Variants in PTRHD1 observed in about 807,000 individuals in gnomAD.
PTRHD1 encodes putative peptidyl-tRNA hydrolase PTRHD1.
PTRHD1 carries 12 observed loss-of-function variants against 13.6 expected under a neutral mutation model. The observed-to-expected ratio is 0.88, with a 90% CI of 0.57 to 1.43. The LOEUF (loss-of-function observed/expected upper bound fraction) is 1.43, where lower values mean the gene tolerates loss of function less well. Ranked by LOEUF, PTRHD1 falls within the 40% of genes most tolerant of loss-of-function variation. The probability of loss-of-function intolerance (pLI) is 0.00; values close to 1 mark genes in which losing one functional copy is unlikely to be tolerated. For synonymous variants in PTRHD1, 86 were observed against 79.5 expected, an observed-to-expected ratio of 1.08 and a Z score of -0.43; for missense variants, 203 against 184.7, an observed-to-expected ratio of 1.10 and a Z score of -0.57.
Position 24,793,041 on chromosome 2 carries a change from C to A in PTRHD1, c.252+85G>T, listed in dbSNP as rs1347496117. ...ACCCCAACTCCCGCCGCACCCACTC[C>A]CCGCAGCCAGGCCTTCGGACCGAAG... On this transcript the variant is annotated intron_variant, in intron 1 of 1. Coordinates refer to ENST00000328379, the MANE Select transcript of PTRHD1 (RefSeq NM_001013663.2). The A allele has an allele frequency of 2.7e-6, 4 of 1,472,512 alleles. No homozygotes were observed. In the Admixed American group the frequency reaches 8.2e-5, roughly 30 times the overall value. 91.2% of individuals were successfully genotyped at this position (1,472,512 alleles called of 1,614,324 possible).
intron 1 of PTRHD1, 134 bp from the exon 2 acceptor site, chr2:24,790,715 G>T: frequency 1.4e-6 from 1 of 738,082 alleles, no homozygotes; most frequent in Middle Eastern, 3.9e-4. Context: ...GCAGAGCAAT[G>T]ATGTCATTCC....
intron 1 of PTRHD1, 151 bp downstream of exon 1, chr2:24,792,975 G>C: frequency 1.1e-6 from 1 of 917,128 alleles, no homozygotes; most frequent in Non-Finnish European, 1.6e-6. Flanking sequence ...TCCCAAGGGC[G>C]CACCTCCAGG....
rs1665593406 is a variant in PTRHD1 at position 24,790,324 on chromosome 2, T to G, written c.*87A>C. ...TTAACCCTCAAGAAATTGTCACAAC[T>G]GAAAGACGGGAGCAAGCTGACACTG... is the stretch of plus-strand genomic sequence containing the variant. On this transcript the variant is annotated 3_prime_UTR_variant, in exon 2 of 2. Transcript: ENST00000328379. The G allele has an allele frequency of 6.8e-6, 10 of 1,469,148 alleles. No individual in the cohort carries two copies. Among genetic ancestry groups the G allele is most frequent in the Non-Finnish European group, 8.3e-6 (9 of 1,085,420 alleles). 91.0% of individuals were successfully genotyped at this position (1,469,148 alleles called of 1,614,324 possible). A position where few individuals can be genotyped will look rare whatever the true frequency, so the allele number is the denominator to read the frequency against.
At chr2:24,793,040 C>A (rs1572714345) in intron 1 of PTRHD1, 86 bp downstream of exon 1, 1 of 1,466,944 alleles carries the variant, frequency 6.8e-7, no homozygotes, top group East Asian at 2.4e-5. Flanking sequence ...CGCACCCACT[C>A]CCCGCAGCCA....
chr2:24,792,944 CTCTTCA>C, intron 1 of PTRHD1, 176 bp downstream of exon 1: 1 of 714,130 alleles, frequency 1.4e-6, no homozygotes, highest in Admixed American at 2.9e-5. Flanking sequence ...CTGCTGTCCA[CTCTTCA>C]CACAGTCAGG....
intron 1 of PTRHD1, among the ~76,000 whole-genome samples, chr2:24,791,257 T>A (rs559397615): frequency 6.6e-6 from 1 of 152,144 alleles, no homozygotes; most frequent in East Asian, 1.9e-4. Flanking sequence ...GCACATCCAC[T>A]TCCACTTTCC....
rs1252746902 is a variant in PTRHD1 at position 24,790,557 on chromosome 2, C to T, written c.277G>A (p.Glu93Lys). The change falls in exon 2 of 2, where the codon GAG (glutamate) becomes AAG (lysine). Residue 93 changes from glutamate (E) to lysine (K), a missense_variant. Physicochemically the swap from Glu to Lys is moderately conservative, Grantham distance 56 (BLOSUM62 1). Coordinates refer to ENST00000328379, the MANE Select transcript of PTRHD1 (RefSeq NM_001013663.2). ...TTCTGTTGCAGGGTCTCGGCCAGCTCCTTTAGGGTGGTCTCATCTGGGGCC... is the reference window on the plus strand; with the variant it reads ...TTCTGTTGCAGGGTCTCGGCCAGCTTCTTTAGGGTGGTCTCATCTGGGGCC... Reference protein sequence around the residue: ...LEAPDETTLKELAETLQQKNI... With the variant: ...LEAPDETTLKKLAETLQQKNI... 4 of 1,613,990 alleles carry T rather than the reference C, an allele frequency of 2.5e-6. No individual in the cohort carries two copies. Among genetic ancestry groups the T allele is most frequent in the Non-Finnish European group, 3.4e-6 (4 of 1,179,986 alleles).
intron 1 of PTRHD1, 136 bp downstream of exon 1, chr2:24,792,990 C>T (rs1169912168): frequency 9.3e-7 from 1 of 1,076,072 alleles, no homozygotes; most frequent in African/African-American, 1.6e-5. Context: ...TCCAGGGAAA[C>T]AGCTCCAGTC....
rs1347352779 is a variant in PTRHD1, at chr2:24,793,358, G to T, written c.20C>A (p.Pro7Gln). The T allele has an allele frequency of 5.6e-6, 9 of 1,613,562 alleles. No individual in the cohort carries two copies. Among genetic ancestry groups the T allele is most frequent in the Non-Finnish European group, 6.8e-6 (8 of 1,180,022 alleles). The change falls in exon 1 of 2, where the codon CCG becomes CAG. Residue 7 changes from proline to glutamine, a missense_variant. Coordinates refer to ENST00000328379, the MANE Select transcript of PTRHD1 (RefSeq NM_001013663.2). MHRGVG[P>Q]AFRVVRKMAA... ...CATCTTCCTGACCACCCGAAAGGCCGGACCTACTCCCCGGTGCATCTTGGG... is the reference window on the plus strand; with the variant it reads ...CATCTTCCTGACCACCCGAAAGGCCTGACCTACTCCCCGGTGCATCTTGGG...
intron 1 of PTRHD1, chr2:24,792,909 C>CT (rs1294638690): frequency 4.8e-6 from 3 of 620,160 alleles, no homozygotes; most frequent in South Asian, 4.0e-5. Context: ...ACCACTTTAC[C>CT]GCGAGCCCAG....
chr2:24,792,897 C>A lies in PTRHD1; in HGVS notation c.252+229G>T, dbSNP rs900311824. 3 of 601,696 alleles carry A rather than the reference C, an allele frequency of 5.0e-6. No individual in the cohort carries two copies. In the East Asian group the frequency reaches 8.5e-5, roughly 17 times the overall value. 37.3% of individuals were successfully genotyped at this position (601,696 alleles called of 1,614,324 possible). Reference sequence around the variant, plus strand: ...AGGCGGAACAGCGGGGACACAGGAGCCACCACTTTACCGCGAGCCCAGCAG... The same window carrying A: ...AGGCGGAACAGCGGGGACACAGGAGACACCACTTTACCGCGAGCCCAGCAG... On this transcript the variant is annotated intron_variant, in intron 1 of 1. Coordinates refer to ENST00000328379, the MANE Select transcript of PTRHD1 (RefSeq NM_001013663.2).
Position 24,793,178 on chromosome 2 carries a change from T to C in PTRHD1, c.200A>G (p.His67Arg), listed in dbSNP as rs1329431943. 1.2e-6 allele frequency: 2 copies of C among 1,613,414 alleles called. No individual in the cohort carries two copies. The highest frequency in any genetic ancestry group is 2.2e-5 in the East Asian group (1 of 44,874). Residue 67 changes from histidine (H) to arginine (R), a missense_variant, in exon 1 of 2, where the codon CAC becomes CGC. Physicochemically the swap from His to Arg is conservative, Grantham distance 29. Coordinates refer to ENST00000328379, the MANE Select transcript of PTRHD1 (RefSeq NM_001013663.2). Reference sequence around the variant, plus strand: ...CAGCTCTTGGAGGTAAGCGGCTGTGTGCGGGTGGTCGCGGTGAGTGTGCAA... The same window carrying C: ...CAGCTCTTGGAGGTAAGCGGCTGTGCGCGGGTGGTCGCGGTGAGTGTGCAA... ...AALHTHRDHP[H>R]TAAYLQELGR... is the part of the protein sequence containing the mutation.
At position 24,793,279 on chromosome 2, in the gene PTRHD1, C is replaced by G. The variant is rs1178848803; in HGVS notation, c.99G>C (p.Lys33Asn). The G allele has an allele frequency of 6.2e-7, 1 of 1,613,998 alleles. No individual in the cohort carries two copies. The highest frequency in any genetic ancestry group is 8.5e-7 in the Non-Finnish European group (1 of 1,180,048). ...QVLVQYLVLR[K>N]DLSQAPFSWP... ...AGGAGAACGGAGCTTGTGATAGATCCTTTCGTAACACCAAGTATTGTACCA... is the reference window on the plus strand; with the variant it reads ...AGGAGAACGGAGCTTGTGATAGATCGTTTCGTAACACCAAGTATTGTACCA... Residue 33 changes from lysine (K) to asparagine (N), a missense_variant, in exon 1 of 2, where the codon AAG (lysine) becomes AAC (asparagine). Transcript: ENST00000328379.
intron 1 of PTRHD1, chr2:24,792,790 T>G: frequency 2.8e-6 from 1 of 361,902 alleles, no homozygotes; most frequent in South Asian, 4.6e-5. Context: ...CAGTTTGACT[T>G]CACTTTGCAC....
rs1338298646 is a variant in PTRHD1 at position 24,793,165 on chromosome 2, G to T, written c.213C>A (p.Tyr71Ter). Reference sequence around the variant, plus strand: ...TGCGCATGCGCCCCAGCTCTTGGAGGTAAGCGGCTGTGTGCGGGTGGTCGC... The same window carrying T: ...TGCGCATGCGCCCCAGCTCTTGGAGTTAAGCGGCTGTGTGCGGGTGGTCGC... ...THRDHPHTAA[Y>*]LQELGRMRKV... The change falls in exon 1 of 2, where the codon TAC becomes TAA. Residue 71 changes from tyrosine to a stop codon, truncating the protein, a stop_gained. Coordinates refer to ENST00000328379, the MANE Select transcript of PTRHD1 (RefSeq NM_001013663.2). LOFTEE classifies it high-confidence loss of function. 6.2e-7 allele frequency: 1 copy of T among 1,613,322 alleles called. No homozygotes were observed. Among genetic ancestry groups the T allele is most frequent in the African/African-American group, 1.3e-5 (1 of 74,944 alleles).
rs748049357 is a variant in PTRHD1, at chr2:24,793,386, C to G, written c.-9G>C. 1.2e-6 allele frequency: 2 copies of G among 1,611,134 alleles called. No homozygotes were observed. Among genetic ancestry groups the G allele is most frequent in the Non-Finnish European group, 8.5e-7 (1 of 1,178,310 alleles). ...CCTACTCCCCGGTGCATCTTGGGAT[C>G]AGGGCGGGGCCCTGAGCGCCGCCAT... is the stretch of plus-strand genomic sequence containing the variant. On this transcript the variant is annotated 5_prime_UTR_variant, in exon 1 of 2. Transcript: ENST00000328379.
chr2:24,793,054 C>T (rs1405591834), intron 1 of PTRHD1, 72 bp downstream of exon 1: 3 of 1,529,928 alleles, frequency 2.0e-6, no homozygotes, highest in Non-Finnish European at 2.6e-6. Context: ...GCAGCCAGGC[C>T]TTCGGACCGA....
Position 24,790,041 on chromosome 2 carries a change from A to T in PTRHD1, c.*370T>A, listed in dbSNP as rs1665589890. 2 of 165,986 alleles carry T rather than the reference A, an allele frequency of 1.2e-5. No individual in the cohort carries two copies. The allele number at this position is 165,986 out of a possible 1,614,324, so 10.3% of individuals were successfully genotyped here. A position where few individuals can be genotyped will look rare whatever the true frequency, so the allele number is the denominator to read the frequency against. ...GGCATATTTTTTAACAATACATAAA[A>T]TACTACCGCATCTTAAAGTTGATGT... On this transcript the variant is annotated 3_prime_UTR_variant, in exon 2 of 2. Coordinates refer to ENST00000328379, the MANE Select transcript of PTRHD1 (RefSeq NM_001013663.2).
At chr2:24,792,830 A>C (rs936569179) in intron 1 of PTRHD1, 38 of 503,510 alleles carry the variant, frequency 7.5e-5, no homozygotes, top group African/African-American at 7.1e-4. Context: ...TTGCAGGAGG[A>C]CAGCACTTTG....
Sources: gnomAD v4.1 joint callset for allele counts (sites outside exome capture counted in the v4.1 genomes callset) on GRCh38, gnomAD v4.1.1 for gene constraint, MANE v1.5 for transcripts, NCBI Gene and HGNC (gene_info 2026-07-23, HGNC 2026-07-21) for gene names.